The following WDR35 variants were observed in gnomAD, a reference collection of about 807,000 sequenced individuals.
The protein encoded by WDR35 is WD repeat domain 35.
Under a neutral mutation model 158.3 loss-of-function variants are expected in WDR35, and 118 were observed. The observed-to-expected ratio is 0.75, with a 90% confidence interval of 0.64 to 0.87. The LOEUF is 0.87. Among genes scored for constraint, WDR35 ranks in the 40% least tolerant of loss-of-function variants. The pLI, the probability that WDR35 is intolerant of heterozygous loss-of-function variation, is 0.00. For synonymous variants in WDR35, 448 were observed against 476.1 expected (o/e 0.94, Z 0.77); for missense variants, 1,263 against 1,405.8 (o/e 0.90, Z 1.62).
chr2:19,966,517 A>T (rs7572536), intron 10 of WDR35, among the ~76,000 whole-genome samples: 4 of 151,976 alleles, frequency 2.6e-5, no homozygotes, highest in African/African-American at 9.7e-5. Context: ...ATGAATTGCC[A>T]TAAGATTAGC....
chr2:19,974,781 C>T, intron 6 of WDR35, 148 bp from the exon 7 acceptor site: 1 of 686,002 alleles, frequency 1.5e-6, no homozygotes, highest in Non-Finnish European at 2.3e-6. Context: ...TACTGGTATA[C>T]AGGCCATGGA....
At position 19,941,654 on chromosome 2, in the gene WDR35, T is replaced by G. The variant is rs561415356; in HGVS notation, c.1926+105A>C. On this transcript the variant is annotated intron_variant, in intron 17 of 26. Transcript: ENST00000281405. Reference sequence around the variant, plus strand: ...AGAGAGCAGGGCTGGGCCTGAGATATATCTGACTCCTGGGTCCACACTGCT... The same window carrying G: ...AGAGAGCAGGGCTGGGCCTGAGATAGATCTGACTCCTGGGTCCACACTGCT... 2.2e-4 allele frequency: 176 copies of G among 806,670 alleles called. 3 individuals are homozygous for G. Among genetic ancestry groups the G allele is most frequent in the South Asian group, 2.1e-3 (134 of 63,770 alleles). The allele number at this position is 806,670 out of a possible 1,614,324, so 50.0% of individuals were successfully genotyped here.
intron 4 of WDR35, 132 bp from the exon 5 acceptor site, chr2:19,979,011 T>G: frequency 8.8e-7 from 1 of 1,130,838 alleles, no homozygotes; most frequent in East Asian, 2.6e-5. Context: ...CCTGAGACAT[T>G]AAACTATAAA....
rs1172560970 is a variant in WDR35 at position 19,974,473 on chromosome 2, T to C, written c.731A>G (p.Asp244Gly). Residue 244 changes from aspartate (D) to glycine (G), a missense_variant, in exon 7 of 27, where the codon GAC becomes GGC. Transcript: ENST00000281405. ...GRCQIMRHEN[D>G]QNPVLIDTGM... ...TAAACAGAAAAATTCCTTACTTTGGTCATTCTCATGTCTCATTATTTGGCA... is the reference window on the plus strand; with the variant it reads ...TAAACAGAAAAATTCCTTACTTTGGCCATTCTCATGTCTCATTATTTGGCA... 17 of 1,602,454 alleles carry C rather than the reference T, an allele frequency of 1.1e-5. No individual in the cohort carries two copies. The highest frequency in any genetic ancestry group is 1.4e-5 in the Non-Finnish European group (16 of 1,175,452).
chr2:19,983,213 G>A (rs1344312538), intron 2 of WDR35, among the ~76,000 whole-genome samples: 1 of 152,272 alleles, frequency 6.6e-6, no homozygotes, highest in South Asian at 2.1e-4. Flanking sequence ...AGACTGAGAG[G>A]TAAACTGGAG....
chr2:19,950,600 G>T (rs1326572200), intron 13 of WDR35, among the ~76,000 whole-genome samples: 1 of 152,098 alleles, frequency 6.6e-6, no homozygotes, highest in Non-Finnish European at 1.5e-5. Context: ...CTGTTAAAGC[G>T]ACTGTTTCTT....
intron 10 of WDR35, among the ~76,000 whole-genome samples, chr2:19,964,396 T>TTCTTTTC (rs1558349180): frequency 6.7e-6 from 1 of 148,556 alleles, no homozygotes; most frequent in African/African-American, 2.5e-5. Context: ...TTTTTTTTTT[T>TTCTTTTC]CTTTGGAGAC....
chr2:19,989,114 A>C, intron 2 of WDR35, 51 bp downstream of exon 2: 1 of 1,533,582 alleles, frequency 6.5e-7, no homozygotes, highest in Non-Finnish European at 9.0e-7. Flanking sequence ...CGCACTGAAC[A>C]AATAACATTA....
At chr2:19,921,438 T>C (rs1446963053) in intron 25 of WDR35, among the ~76,000 whole-genome samples, 2 of 152,100 alleles carry the variant, frequency 1.3e-5, no homozygotes, top group Admixed American at 1.3e-4. Flanking sequence ...TCTACAACCA[T>C]CTGATCTTTG....
intron 25 of WDR35, among the ~76,000 whole-genome samples, chr2:19,915,583 C>T (rs1669964775): frequency 6.6e-6 from 1 of 151,758 alleles, no homozygotes; most frequent in Admixed American, 6.6e-5. Context: ...ATTTATGTCA[C>T]ATATTAGTTA....
At chr2:19,989,437 T>C (rs1390866942) in intron 1 of WDR35, among the ~76,000 whole-genome samples, 155 bp from the exon 2 acceptor site, 1 of 152,310 alleles carries the variant, frequency 6.6e-6, no homozygotes, top group Non-Finnish European at 1.5e-5. Flanking sequence ...CATGGTCCCC[T>C]GAACTGACCC....
chr2:19,989,483 A>G (rs930656382), intron 1 of WDR35, among the ~76,000 whole-genome samples: 1 of 152,220 alleles, frequency 6.6e-6, no homozygotes, highest in African/African-American at 2.4e-5. Context: ...AAAGAAGTGC[A>G]CAAAAGAGAA....
chr2:19,935,576 T>C lies in WDR35; in HGVS notation c.2442A>G (p.Gln814=). The part of the protein sequence containing the change: ...KWLNAVQYYV[Q]GRNQERLAEC... Reference sequence around the variant, plus strand: ...CAGCTAAGCGTTCCTGGTTCCGTCCTTGTACATAATATTGTACAGCATTCA... The same window carrying C: ...CAGCTAAGCGTTCCTGGTTCCGTCCCTGTACATAATATTGTACAGCATTCA... The change falls in exon 21 of 27, where the codon CAA becomes CAG. Residue 814 remains glutamine, a synonymous_variant. Coordinates refer to ENST00000281405, the MANE Select transcript of WDR35 (RefSeq NM_020779.4). 1 of 1,612,902 alleles carries C rather than the reference T, an allele frequency of 6.2e-7. No homozygotes were observed. The highest frequency in any genetic ancestry group is 8.5e-7 in the Non-Finnish European group (1 of 1,179,626).
chr2:19,980,460 T>C (rs1049235219), intron 4 of WDR35, among the ~76,000 whole-genome samples: 3 of 152,210 alleles, frequency 2.0e-5, no homozygotes, highest in Non-Finnish European at 4.4e-5. Flanking sequence ...TAAGTTCATT[T>C]TGGAGATGGC....
At chr2:19,920,168 C>G (rs1458440457) in intron 25 of WDR35, among the ~76,000 whole-genome samples, 1 of 152,214 alleles carries the variant, frequency 6.6e-6, no homozygotes, top group Non-Finnish European at 1.5e-5. Flanking sequence ...GGAGCTGGTA[C>G]TATTCCTTCT....
chr2:19,948,245 T>C, intron 13 of WDR35, 28 bp from the exon 14 acceptor site: 2 of 1,594,958 alleles, frequency 1.3e-6, no homozygotes. Context: ...ATCATTACTA[T>C]TCAACAAACA....
chr2:19,920,545 A>G (rs1572310156), intron 25 of WDR35, among the ~76,000 whole-genome samples: 1 of 152,078 alleles, frequency 6.6e-6, no homozygotes, highest in African/African-American at 2.4e-5. Context: ...CATACGAAAA[A>G]CTCTCAACAA....
intron 11 of WDR35, 94 bp from the exon 12 acceptor site, chr2:19,954,072 T>C: frequency 7.0e-7 from 1 of 1,427,774 alleles, no homozygotes; most frequent in Non-Finnish European, 9.8e-7. Context: ...GTTCAACCCC[T>C]CATTTTATAG....
chr2:19,988,725 T>C (rs553761390), intron 2 of WDR35, among the ~76,000 whole-genome samples: 2 of 152,182 alleles, frequency 1.3e-5, no homozygotes, highest in African/African-American at 2.4e-5. Context: ...GACCTACTAA[T>C]AGAAATGTAA....
Sources: allele counts gnomAD v4.1 joint callset (sites outside exome capture counted in the v4.1 genomes callset), GRCh38; gene constraint gnomAD v4.1.1; transcripts MANE v1.5; gene names NCBI Gene and HGNC (gene_info 2026-07-23, HGNC 2026-07-21).